Variants in ABCE1 observed in about 807,000 individuals in gnomAD.
The protein encoded by ABCE1 is ATP binding cassette subfamily E member 1.
ABCE1 carries 22 observed loss-of-function variants against 83.4 expected under a neutral mutation model. That is an observed-to-expected ratio of 0.26 (90% CI 0.19 to 0.38). The LOEUF (loss-of-function observed/expected upper bound fraction) is 0.38, where lower values mean the gene tolerates loss of function less well. Ranked by LOEUF, ABCE1 falls within the 10% of genes least tolerant of loss-of-function variation. The pLI, the probability that ABCE1 is intolerant of heterozygous loss-of-function variation, is 1.00. For missense variants in ABCE1, 330 were observed against 721.9 expected, an observed-to-expected ratio of 0.46 and a Z score of 6.22; for synonymous variants, 204 against 233.7, an observed-to-expected ratio of 0.87 and a Z score of 1.16.
Position 145,119,925 on chromosome 4 carries a change from C to G in ABCE1, c.923-7C>G. 3 of 1,606,708 alleles carry G rather than the reference C, an allele frequency of 1.9e-6. No individual in the cohort carries two copies. Among genetic ancestry groups the G allele is most frequent in the Non-Finnish European group, 2.6e-6 (3 of 1,175,642 alleles). On this transcript the variant is annotated splice_region_variant and splice_polypyrimidine_tract_variant and intron_variant, in intron 10 of 17. Transcript: ENST00000296577. ...TTTCTCCCGGTTGACAATTTTCTTC[C>G]CAACAGGCATAAACATTTTTTTGGA...
intron 13 of ABCE1, 152 bp downstream of exon 13, chr4:145,121,543 G>A: frequency 1.6e-6 from 1 of 614,904 alleles, no homozygotes; most frequent in South Asian, 2.1e-5. Flanking sequence ...TCCAATCCTT[G>A]ATTCATATCC....
chr4:145,109,940 G>C (rs1034184629), intron 5 of ABCE1, among the ~76,000 whole-genome samples, 163 bp from the exon 6 acceptor site: 1 of 152,110 alleles, frequency 6.6e-6, no homozygotes, highest in Non-Finnish European at 1.5e-5. Context: ...TTTCTTTGCT[G>C]CTATAGGGAA....
In ABCE1 at chr4:145,121,479, C is replaced by G. The variant is rs1269948617; in HGVS notation, c.1263+88C>G. 4 of 979,294 alleles carry G rather than the reference C, an allele frequency of 4.1e-6. No individual in the cohort carries two copies. The Admixed American group carries it at 7.1e-5, about 17-fold the overall frequency. The allele number at this position is 979,294 out of a possible 1,614,324, so 60.7% of individuals were successfully genotyped here. On this transcript the variant is annotated intron_variant, in intron 13 of 17. Coordinates refer to ENST00000296577, the MANE Select transcript of ABCE1 (RefSeq NM_002940.3). The stretch of plus-strand genomic sequence containing the variant: ...TCTTTTACTATATTAAAATTTTTCT[C>G]CAAATTAGATTCTATACAGTTTTAT...
chr4:145,099,365 G>T (rs1749045579), intron 1 of ABCE1, among the ~76,000 whole-genome samples: 1 of 152,126 alleles, frequency 6.6e-6, no homozygotes, highest in Non-Finnish European at 1.5e-5. Flanking sequence ...TATGATAGTG[G>T]CATTTATGTT....
chr4:145,103,611 T>C (rs1198668847), intron 1 of ABCE1, among the ~76,000 whole-genome samples: 1 of 152,220 alleles, frequency 6.6e-6, no homozygotes, highest in Non-Finnish European at 1.5e-5. Flanking sequence ...GTCAGTGTCA[T>C]TATAGTCAGA....
intron 9 of ABCE1, among the ~76,000 whole-genome samples, chr4:145,116,383 T>C (rs1283078355): frequency 6.6e-6 from 1 of 151,734 alleles, no homozygotes; most frequent in Non-Finnish European, 1.5e-5. Flanking sequence ...AAGGGTGAGA[T>C]TGAAACACAA....
intron 12 of ABCE1, 22 bp downstream of exon 12, chr4:145,121,255 CTT>C (rs1749735954): frequency 1.2e-6 from 2 of 1,613,322 alleles, no homozygotes; most frequent in Non-Finnish European, 1.7e-6. Flanking sequence ...ACTGTTGAGT[CTT>C]TTTACTCTGT....
At chr4:145,114,214 G>A (rs1749553902) in intron 9 of ABCE1, among the ~76,000 whole-genome samples, 1 of 151,934 alleles carries the variant, frequency 6.6e-6, no homozygotes, top group Non-Finnish European at 1.5e-5. Context: ...CTTTGGGGAA[G>A]GCAAGTGTAA....
intron 8 of ABCE1, among the ~76,000 whole-genome samples, chr4:145,111,551 C>A (rs559826756): frequency 6.6e-5 from 10 of 152,096 alleles, no homozygotes; most frequent in Non-Finnish European, 1.5e-4. Flanking sequence ...TGGTCTTGAT[C>A]TCCTGACCTC....
chr4:145,117,220 T>C (rs1247523491), intron 9 of ABCE1, 73 bp from the exon 10 acceptor site: 1 of 1,322,168 alleles, frequency 7.6e-7, no homozygotes, highest in Non-Finnish European at 1.0e-6. Context: ...TAGATGTATC[T>C]CTTTTTCTGA....
chr4:145,102,267 A>G (rs1749172091), intron 1 of ABCE1, among the ~76,000 whole-genome samples: 2 of 152,200 alleles, frequency 1.3e-5, no homozygotes, highest in South Asian at 2.1e-4. Context: ...TCCAGAGAGC[A>G]TGTAGCAAGA....
chr4:145,104,217 T>C (rs562311027), intron 1 of ABCE1, among the ~76,000 whole-genome samples, 169 bp from the exon 2 acceptor site: 2 of 152,288 alleles, frequency 1.3e-5, no homozygotes, highest in South Asian at 4.1e-4. Context: ...CCAACCTTAC[T>C]AGATTATAGA....
intron 13 of ABCE1, 31 bp downstream of exon 13, chr4:145,121,422 A>G: frequency 6.4e-7 from 1 of 1,555,744 alleles, no homozygotes. Flanking sequence ...TGGTTACTAA[A>G]GAAAATTTTG....
At chr4:145,120,198 T>C (rs1749706120) in intron 11 of ABCE1, 45 bp downstream of exon 11, 1 of 1,501,104 alleles carries the variant, frequency 6.7e-7, no homozygotes, top group Non-Finnish European at 9.1e-7. Flanking sequence ...CCTGTTTATC[T>C]AGTAAATTAG....
intron 10 of ABCE1, 71 bp downstream of exon 10, chr4:145,117,485 A>ATAT: frequency 6.9e-7 from 1 of 1,448,284 alleles, no homozygotes; most frequent in East Asian, 2.3e-5. Flanking sequence ...TACATTATTG[A>ATAT]TATTAAGTAG....
intron 11 of ABCE1, 67 bp from the exon 12 acceptor site, chr4:145,121,107 G>A (rs970504183): frequency 6.0e-6 from 9 of 1,507,294 alleles, no homozygotes; most frequent in Admixed American, 5.1e-5. Context: ...AAACCAAATA[G>A]GACATAGTGA....
chr4:145,120,582 T>G (rs900126285), intron 11 of ABCE1, among the ~76,000 whole-genome samples: 2 of 152,074 alleles, frequency 1.3e-5, no homozygotes, highest in Admixed American at 1.3e-4. Context: ...AATAATTGTA[T>G]TACCAGCATA....
chr4:145,101,216 T>C (rs979723410), intron 1 of ABCE1, among the ~76,000 whole-genome samples: 11 of 151,926 alleles, frequency 7.2e-5, no homozygotes, highest in African/African-American at 2.4e-5. Context: ...CACTGAGAAA[T>C]AGTAAAGATT....
At chr4:145,100,594 C>T (rs890992067) in intron 1 of ABCE1, among the ~76,000 whole-genome samples, 1 of 150,816 alleles carries the variant, frequency 6.6e-6, no homozygotes, top group African/African-American at 2.5e-5. Flanking sequence ...TGTCATTTCC[C>T]GAATAATAGC....
Sources: gnomAD v4.1 joint callset for allele counts (sites outside exome capture counted in the v4.1 genomes callset) on GRCh38, gnomAD v4.1.1 for gene constraint, MANE v1.5 for transcripts, NCBI Gene and HGNC (gene_info 2026-07-23, HGNC 2026-07-21) for gene names.